CDH18: variants seen among roughly 807,000 people sequenced by gnomAD.
CDH18 encodes the protein cadherin 18.
A neutral mutation model predicts 67.9 loss-of-function variants in CDH18; 31 were observed. The ratio of observed to expected loss-of-function variants is 0.46; its 90% CI spans 0.34 to 0.62. CDH18 has a LOEUF of 0.62. Among genes scored for constraint, CDH18 ranks in the 20% least tolerant of loss-of-function variants. CDH18 has a pLI of 0.01. For synonymous variants in CDH18, 362 were observed against 347.2 expected, an observed-to-expected ratio of 1.04 and a Z score of -0.48; for missense variants, 890 against 975.5, an observed-to-expected ratio of 0.91 and a Z score of 1.17.
chr5:20,553,143 C>G (rs770046898), intron 1 of CDH18, among the ~76,000 whole-genome samples: 7 of 152,040 alleles, frequency 4.6e-5, no homozygotes, highest in Non-Finnish European at 8.8e-5. Flanking sequence ...TAGAAATATG[C>G]TATCATATTT....
At chr5:19,756,352 C>T (rs879785663) in intron 3 of CDH18, among the ~76,000 whole-genome samples, 6 of 152,186 alleles carry the variant, frequency 3.9e-5, no homozygotes, top group East Asian at 3.8e-4. Context: ...CAGATGGTCA[C>T]GTGGTCGTAG....
At chr5:19,774,310 A>G (rs991128436) in intron 3 of CDH18, among the ~76,000 whole-genome samples, 1 of 152,042 alleles carries the variant, frequency 6.6e-6, no homozygotes, top group Non-Finnish European at 1.5e-5. Flanking sequence ...ACTGTTCAGA[A>G]GGCAGAGGCA....
At chr5:20,004,053 C>A (rs181043594) in intron 2 of CDH18, among the ~76,000 whole-genome samples, 1 of 152,108 alleles carries the variant, frequency 6.6e-6, no homozygotes, top group South Asian at 2.1e-4. Flanking sequence ...TACAGTGATA[C>A]GTGTGCTCTT....
At chr5:20,548,175 G>A (rs1304953618) in intron 1 of CDH18, among the ~76,000 whole-genome samples, 1 of 150,272 alleles carries the variant, frequency 6.7e-6, no homozygotes, top group East Asian at 1.9e-4. Context: ...AGCTTAATGT[G>A]AAAGATAGTT....
intron 2 of CDH18, among the ~76,000 whole-genome samples, chr5:19,941,377 T>A (rs1794800200): frequency 6.6e-6 from 1 of 152,114 alleles, no homozygotes. Context: ...AACTAATTTG[T>A]TAAAATGCAC....
chr5:20,261,557 G>A (rs1404812744), intron 1 of CDH18, among the ~76,000 whole-genome samples: 2 of 151,866 alleles, frequency 1.3e-5, no homozygotes, highest in South Asian at 2.1e-4. Context: ...TGGCTAAAAC[G>A]GTGAAACCCC....
At chr5:19,558,102 A>G (rs1379601580) in intron 8 of CDH18, among the ~76,000 whole-genome samples, 4 of 152,112 alleles carry the variant, frequency 2.6e-5, no homozygotes, top group East Asian at 1.9e-4. Flanking sequence ...CTGAATGACA[A>G]TAGTGACATG....
chr5:19,874,104 A>T (rs1261154895), intron 2 of CDH18, among the ~76,000 whole-genome samples: 2 of 152,210 alleles, frequency 1.3e-5, no homozygotes, highest in African/African-American at 4.8e-5. Context: ...TATAAAATGT[A>T]AATTATTTTA....
intron 2 of CDH18, among the ~76,000 whole-genome samples, chr5:20,135,822 T>G (rs1233368636): frequency 1.3e-5 from 2 of 152,214 alleles, no homozygotes; most frequent in Non-Finnish European, 2.9e-5. Flanking sequence ...AAATAACATC[T>G]TTATTTCTGC....
intron 1 of CDH18, among the ~76,000 whole-genome samples, chr5:20,325,497 C>G (rs1409340654): frequency 3.3e-5 from 5 of 152,114 alleles, no homozygotes; most frequent in African/African-American, 7.2e-5. Flanking sequence ...AAACATTTCT[C>G]TACCTCCAAC....
chr5:19,807,443 T>C (rs1778153464), intron 3 of CDH18, among the ~76,000 whole-genome samples: 1 of 152,238 alleles, frequency 6.6e-6, no homozygotes, highest in Non-Finnish European at 1.5e-5. Flanking sequence ...ACTACATTAC[T>C]TTCCTTCTTA....
chr5:19,859,989 G>GGTGTGTGTGT (rs3065070), intron 2 of CDH18, among the ~76,000 whole-genome samples: 24,543 of 143,018 alleles, frequency 0.17, 2,469 homozygotes, highest in Non-Finnish European at 0.21. Context: ...GTTTGCTTTG[G>GGTGTGTGTGT]GTGTGTGTGT....
intron 9 of CDH18, among the ~76,000 whole-genome samples, chr5:19,529,801 T>C (rs755495644): frequency 1.3e-5 from 2 of 152,122 alleles, no homozygotes; most frequent in Non-Finnish European, 2.9e-5. Context: ...AAGACCTAGA[T>C]AACTGAAAAC....
intron 7 of CDH18, among the ~76,000 whole-genome samples, chr5:19,581,313 T>A (rs955875718): frequency 6.6e-6 from 1 of 152,020 alleles, no homozygotes; most frequent in African/African-American, 2.4e-5. Context: ...AAAGTAGTAC[T>A]TTCTCCTCTA....
chr5:19,816,882 A>G (rs928097269), intron 3 of CDH18, among the ~76,000 whole-genome samples: 2 of 151,864 alleles, frequency 1.3e-5, no homozygotes, highest in East Asian at 3.9e-4. Flanking sequence ...GCAAAGAATT[A>G]CTATATTAAA....
intron 1 of CDH18, among the ~76,000 whole-genome samples, chr5:20,505,208 T>G (rs1018477123): frequency 5.9e-5 from 9 of 152,128 alleles, no homozygotes; most frequent in African/African-American, 2.2e-4. Context: ...AAAGAGAACA[T>G]CCTGTGAAGA....
rs1402471804 is a variant in CDH18, at chr5:19,473,097, T to C, written c.*129A>G. The C allele has an allele frequency of 2.7e-6, 3 of 1,094,938 alleles. No homozygotes were observed. The African/African-American group carries it at 4.7e-5, about 17-fold the overall frequency. The allele number at this position is 1,094,938 out of a possible 1,614,324, so 67.8% of individuals were successfully genotyped here. ...GTTTCGATCATGAAAAGGGCACTTG[T>C]TTCTACAGGAGCTGTGTCCAGCTTC... On this transcript the variant is annotated 3_prime_UTR_variant, in exon 13 of 13. Transcript: ENST00000382275.
chr5:20,377,300 G>T (rs1206886213), intron 1 of CDH18, among the ~76,000 whole-genome samples: 1 of 152,100 alleles, frequency 6.6e-6, no homozygotes, highest in Non-Finnish European at 1.5e-5. Flanking sequence ...TATTTTGCTT[G>T]ACTATTTTGT....
chr5:20,324,053 G>A (rs1046947024), intron 1 of CDH18, among the ~76,000 whole-genome samples: 1 of 152,040 alleles, frequency 6.6e-6, no homozygotes, highest in African/African-American at 2.4e-5. Context: ...AAAGTTCAAC[G>A]GTTTTAAGAT....
Sources: gnomAD v4.1 joint callset for allele counts (sites outside exome capture counted in the v4.1 genomes callset) on GRCh38, gnomAD v4.1.1 for gene constraint, MANE v1.5 for transcripts, NCBI Gene and HGNC (gene_info 2026-07-23, HGNC 2026-07-21) for gene names.